Variants in CHAT observed in about 807,000 individuals in gnomAD.
CHAT encodes acetyl CoA:choline O-acetyltransferase.
Under a neutral mutation model 76.9 loss-of-function variants are expected in CHAT, and 61 were observed. The ratio of observed to expected loss-of-function variants is 0.79; its 90% confidence interval spans 0.65 to 0.98. CHAT has a LOEUF of 0.98. Ranked by LOEUF, CHAT falls within the 50% of genes least tolerant of loss-of-function variation. The pLI, the probability that CHAT is intolerant of heterozygous loss-of-function variation, is 0.00. For synonymous variants in CHAT, 407 were observed against 397.4 expected, an observed-to-expected ratio of 1.02 and a Z score of -0.29; for missense variants, 946 against 986.9, an observed-to-expected ratio of 0.96 and a Z score of 0.56.
At chr10:49,611,682 GTGGA>G, upstream of CHAT, 4 of 1,610,760 alleles carry the variant, frequency 2.5e-6, no homozygotes, top group Non-Finnish European at 3.4e-6. Flanking sequence ...CCATTGCCAC[GTGGA>G]TGAAGCATAC....
chr10:49,625,973 C>T (rs933989695), intron 6 of CHAT, among the ~76,000 whole-genome samples: 4 of 152,352 alleles, frequency 2.6e-5, no homozygotes, highest in African/African-American at 9.6e-5. Context: ...TCTGGCCTTT[C>T]TGGAGACCAC....
Position 49,666,128 on chromosome 10 carries a change from G to A in CHAT, c.*1082G>A, listed in dbSNP as rs958197409. ...TCCAGGGACTCTGACAAAAACCCATGTGGTAGAGCCTAGAGCAGGGCTCTC... is the reference window on the plus strand; with the variant it reads ...TCCAGGGACTCTGACAAAAACCCATATGGTAGAGCCTAGAGCAGGGCTCTC... On this transcript the variant is annotated 3_prime_UTR_variant, in exon 15 of 15. Transcript: ENST00000337653. Among the ~76,000 whole-genome samples the A allele has an allele frequency of 1.3e-5, 2 of 152,196 alleles. No individual in the cohort carries two copies. Among genetic ancestry groups the A allele is most frequent in the Non-Finnish European group, 2.9e-5 (2 of 68,034 alleles).
At chr10:49,614,967 C>G (rs1355181452) in intron 1 of CHAT, among the ~76,000 whole-genome samples, 1 of 150,474 alleles carries the variant, frequency 6.6e-6, no homozygotes. Flanking sequence ...CTTGGAAAGC[C>G]AGGCTGGCAG....
chr10:49,628,480 A>C (rs556905826), intron 7 of CHAT, among the ~76,000 whole-genome samples: 1 of 152,190 alleles, frequency 6.6e-6, no homozygotes, highest in African/African-American at 2.4e-5. Flanking sequence ...CAATCTATTC[A>C]GACTCTCCAC....
Position 49,655,195 on chromosome 10 carries a change from G to A in CHAT, c.1735G>A (p.Ala579Thr), listed in dbSNP as rs750002983. 5.0e-5 allele frequency: 80 copies of A among 1,613,924 alleles called. No individual in the cohort carries two copies. The highest frequency in any genetic ancestry group is 6.4e-5 in the Non-Finnish European group (76 of 1,180,022). Reference protein sequence around the residue: ...NIRSATPEALAFVRAVTDHKA... With the variant: ...NIRSATPEALTFVRAVTDHKA... ...CAGATCGGCCACTCCAGAGGCACTGGCTTTTGTGAGAGCCGTGACTGACCA... is the reference window on the plus strand; with the variant it reads ...CAGATCGGCCACTCCAGAGGCACTGACTTTTGTGAGAGCCGTGACTGACCA... The change falls in exon 12 of 15, where the codon GCT (alanine) becomes ACT (threonine). Residue 579 changes from alanine (A) to threonine (T), a missense_variant. Ala to Thr is a moderately conservative substitution (Grantham distance 58, BLOSUM62 0). Transcript: ENST00000337653.
chr10:49,643,655 A>G (rs1839561706), intron 7 of CHAT, among the ~76,000 whole-genome samples: 1 of 152,184 alleles, frequency 6.6e-6, no homozygotes, highest in Non-Finnish European at 1.5e-5. Context: ...TCCCCCATCA[A>G]TTCATGAAGC....
intron 7 of CHAT, among the ~76,000 whole-genome samples, chr10:49,641,137 TCTC>T (rs1298198110): frequency 2.0e-5 from 3 of 152,246 alleles, no homozygotes; most frequent in Non-Finnish European, 2.9e-5. Flanking sequence ...ATGCTTGGTA[TCTC>T]CTCTTCTTAT....
intron 7 of CHAT, chr10:49,637,726 G>C (rs564125054): frequency 6.6e-6 from 1 of 152,312 alleles, no homozygotes; most frequent in East Asian, 1.9e-4. Context: ...TGTGAAAACA[G>C]ACTAATACAG....
chr10:49,667,476 C>T lies in CHAT; in HGVS notation c.*2430C>T, dbSNP rs138605183. 2.0e-5 allele frequency among the ~76,000 whole-genome samples: 3 copies of T among 152,332 alleles called. No homozygotes were observed. The highest frequency in any genetic ancestry group is 1.9e-4 in the East Asian group (1 of 5,190). On this transcript the variant is annotated 3_prime_UTR_variant, in exon 15 of 15. Coordinates refer to ENST00000337653, the MANE Select transcript of CHAT (RefSeq NM_020549.5). ...GGCTATGAGAAGCGCAAACAGTAAACGCTTGGCAGGAGGGAACACTTCCTC... is the reference window on the plus strand; with the variant it reads ...GGCTATGAGAAGCGCAAACAGTAAATGCTTGGCAGGAGGGAACACTTCCTC...
Position 49,625,548 on chromosome 10 carries a change from C to T in CHAT, c.828C>T (p.Leu276=), listed in dbSNP as rs772600687. 3.1e-6 allele frequency: 5 copies of T among 1,613,616 alleles called. No individual in the cohort carries two copies. In the African/African-American group the frequency reaches 5.3e-5, roughly 17 times the overall value. ...TTTGCATGAAGCAATACTATGGGCT[C>T]TTCTCCTCCTACCGGCTCCCCGGCC... ...QPLCMKQYYG[L]FSSYRLPGHT... The change falls in exon 6 of 15, where the codon CTC becomes CTT. Residue 276 remains leucine, a synonymous_variant. Transcript: ENST00000337653.
At chr10:49,625,210 C>G (rs977441380) in intron 5 of CHAT, among the ~76,000 whole-genome samples, 6 of 152,128 alleles carry the variant, frequency 3.9e-5, no homozygotes, top group African/African-American at 1.4e-4. Flanking sequence ...AGCAAAGATG[C>G]AGAAGGCTAA....
At position 49,651,985 on chromosome 10, in the gene CHAT, C is replaced by T. The variant is rs1839894638; in HGVS notation, c.1613C>T (p.Ala538Val). 2 of 1,614,204 alleles carry T rather than the reference C, an allele frequency of 1.2e-6. No individual in the cohort carries two copies. The highest frequency in any genetic ancestry group is 1.7e-6 in the Non-Finnish European group (2 of 1,180,022). Reference sequence around the variant, plus strand: ...AGCCCTGATGCCTTCATCCAGGTGGCCCTCCAGCTGGCCTTCTACAGGTGA... The same window carrying T: ...AGCCCTGATGCCTTCATCCAGGTGGTCCTCCAGCTGGCCTTCTACAGGTGA... ...KCSPDAFIQV[A>V]LQLAFYRLHR... The change falls in exon 11 of 15, where the codon GCC becomes GTC. Residue 538 changes from alanine to valine, a missense_variant. Physicochemically the swap from Ala to Val is moderately conservative, Grantham distance 64 (BLOSUM62 0). This residue lies in a region of CHAT where 349 missense variants were observed against 393.9 expected (regional missense o/e 0.89). Coordinates refer to ENST00000337653, the MANE Select transcript of CHAT (RefSeq NM_020549.5).
At chr10:49,663,087 G>C (rs957771194) in intron 14 of CHAT, among the ~76,000 whole-genome samples, 1 of 152,076 alleles carries the variant, frequency 6.6e-6, no homozygotes, top group Non-Finnish European at 1.5e-5. Context: ...AAAATTAGCT[G>C]GGCATGGTGG....
chr10:49,659,350 A>G (rs1054382505), intron 13 of CHAT, among the ~76,000 whole-genome samples: 11 of 152,222 alleles, frequency 7.2e-5, no homozygotes, highest in Non-Finnish European at 1.2e-4. Flanking sequence ...GTAGACTTCT[A>G]AAGTGAGAAA....
rs1365305035 is a variant in CHAT at position 49,620,558 on chromosome 10, A to ATT, written c.643_644insTT (p.Ser215IlefsTer5). Reference sequence around the variant, plus strand: ...CCGCCTGGCCCTGCCTGTCAACTCCAGCCCTGCCGTGATCTTTGCTCGGCA... The same window carrying ATT: ...CCGCCTGGCCCTGCCTGTCAACTCCATTGCCCTGCCGTGATCTTTGCTCGGCA... On this transcript the variant is annotated frameshift_variant, in exon 4 of 15. Transcript: ENST00000337653. LOFTEE classifies it high-confidence loss of function. The ATT allele has an allele frequency of 6.2e-7, 1 of 1,613,760 alleles. No homozygotes were observed.
At chr10:49,622,197 C>A (rs560723318) in intron 5 of CHAT, 47 bp downstream of exon 5, 37 of 1,577,754 alleles carry the variant, frequency 2.3e-5, no homozygotes, top group Non-Finnish European at 3.2e-5. Context: ...TCTGCCTATG[C>A]GTCTATCTCC....
chr10:49,637,367 C>A (rs2132766006), intron 7 of CHAT: 1 of 152,238 alleles, frequency 6.6e-6, no homozygotes, highest in Admixed American at 6.5e-5. Flanking sequence ...CCTTAAAACT[C>A]TGATATGGTT....
At chr10:49,625,885 C>G (rs1262670851) in intron 6 of CHAT, among the ~76,000 whole-genome samples, 2 of 152,208 alleles carry the variant, frequency 1.3e-5, no homozygotes, top group Non-Finnish European at 2.9e-5. Context: ...TGGACTCTCA[C>G]TTCAGCACTG....
intron 8 of CHAT, 151 bp from the exon 9 acceptor site, chr10:49,648,356 A>G: frequency 1.4e-6 from 1 of 694,962 alleles, no homozygotes; most frequent in Non-Finnish European, 2.6e-6. Flanking sequence ...GGCCACTGCA[A>G]TCACATGCAG....
Sources: allele counts gnomAD v4.1 joint callset (sites outside exome capture counted in the v4.1 genomes callset), GRCh38; gene constraint gnomAD v4.1.1; regional missense constraint gnomAD v4.1.1; transcripts MANE v1.5; gene names NCBI Gene and HGNC (gene_info 2026-07-23, HGNC 2026-07-21).